The following CCDC144A variants were observed in gnomAD, a reference collection of about 807,000 sequenced individuals.
The protein encoded by CCDC144A is coiled-coil domain-containing protein 144A.
Under a neutral mutation model 143.8 loss-of-function variants are expected in CCDC144A, and 41 were observed. The observed-to-expected ratio is 0.29, with a 90% CI of 0.22 to 0.37. CCDC144A has a LOEUF of 0.37. CCDC144A is among the 10% of genes least tolerant of loss of function. CCDC144A has a pLI of 1.00. For missense variants in CCDC144A, 637 were observed against 1,488.8 expected, an observed-to-expected ratio of 0.43 and a Z score of 9.41; for synonymous variants, 242 against 517.9, an observed-to-expected ratio of 0.47 and a Z score of 7.23.
chr17:16,720,398 T>C, intron 7 of CCDC144A, 119 bp from the exon 8 acceptor site: 1 of 1,039,642 alleles, frequency 9.6e-7, no homozygotes, highest in Non-Finnish European at 1.4e-6. Context: ...ATCTGTTGCT[T>C]TAAGAAGTAC....
At chr17:16,723,537 A>G (rs1913214887) in intron 8 of CCDC144A, among the ~76,000 whole-genome samples, 1 of 152,188 alleles carries the variant, frequency 6.6e-6, no homozygotes, top group South Asian at 2.1e-4. Flanking sequence ...TAGACTGGGT[A>G]GCTTATAAAC....
At chr17:16,702,628 C>A (rs1261708292) in intron 2 of CCDC144A, among the ~76,000 whole-genome samples, 2 of 152,128 alleles carry the variant, frequency 1.3e-5, no homozygotes, top group Non-Finnish European at 2.9e-5. Flanking sequence ...TGTTCCAAGA[C>A]CCCCAGTGAA....
chr17:16,669,523 G>C, the CCDC144A span, among the ~76,000 whole-genome samples: 1 of 152,234 alleles, frequency 6.6e-6, no homozygotes, highest in East Asian at 1.9e-4. Context: ...TAAGTGGATA[G>C]ACAAGCATTC....
rs1264631329 is a variant in CCDC144A, at chr17:16,777,342, T to A, written c.*3709T>A. The A allele has an allele frequency of 6.6e-6, 1 of 152,108 alleles. No homozygotes were observed. The highest frequency in any genetic ancestry group is 1.5e-5 in the Non-Finnish European group (1 of 68,048). The allele number at this position is 152,108 out of a possible 1,614,324, so 9.4% of individuals were successfully genotyped here. A position where few individuals can be genotyped will look rare whatever the true frequency, so the allele number is the denominator to read the frequency against. On this transcript the variant is annotated 3_prime_UTR_variant, in exon 17 of 17. Coordinates refer to ENST00000399273, the MANE Select transcript of CCDC144A (RefSeq NM_001382000.1). ...CAACAAAGAAACAATGGACTTAAAC[T>A]ATACCCTGGAACATATGGACTTAAC...
intron 6 of CCDC144A, among the ~76,000 whole-genome samples, chr17:16,717,075 A>G (rs1912807535): frequency 6.7e-6 from 1 of 148,592 alleles, no homozygotes; most frequent in African/African-American, 2.5e-5. Flanking sequence ...TGCTGGGATT[A>G]CAGGCGTGAG....
chr17:16,764,316 T>C, intron 15 of CCDC144A, 141 bp downstream of exon 15: 1 of 1,470,008 alleles, frequency 6.8e-7, no homozygotes, highest in East Asian at 2.6e-5. Flanking sequence ...GAGACAGAAA[T>C]TTTACCGTTA....
the CCDC144A span, among the ~76,000 whole-genome samples, chr17:16,667,560 G>A: frequency 6.6e-6 from 1 of 152,062 alleles, no homozygotes; most frequent in African/African-American, 2.4e-5. Context: ...CAGAATCCCG[G>A]GGCTGCTTTC....
intron 12 of CCDC144A, among the ~76,000 whole-genome samples, chr17:16,747,755 G>A (rs1230464804): frequency 6.6e-6 from 1 of 152,116 alleles, no homozygotes; most frequent in Admixed American, 6.5e-5. Flanking sequence ...ATGTAGAAAT[G>A]CTATGGATAT....
chr17:16,710,760 A>G (rs1912359017), intron 5 of CCDC144A, among the ~76,000 whole-genome samples: 1 of 152,212 alleles, frequency 6.6e-6, no homozygotes, highest in African/African-American at 2.4e-5. Context: ...CCGCTAAGGC[A>G]TTAAATTATT....
chr17:16,717,651 C>T (rs941554562), intron 6 of CCDC144A, among the ~76,000 whole-genome samples: 8 of 152,096 alleles, frequency 5.3e-5, no homozygotes, highest in Admixed American at 1.3e-4. Context: ...AACTCTTAAA[C>T]TACACATTGT....
At chr17:16,678,074 CTA>C in the CCDC144A span, among the ~76,000 whole-genome samples, 1 of 151,956 alleles carries the variant, frequency 6.6e-6, no homozygotes. Flanking sequence ...ATAATGGCTA[CTA>C]TGCTTTAAAA....
chr17:16,667,110 C>CCAGGAGCCAGTGG, the CCDC144A span: 17,283 of 154,498 alleles, frequency 0.11, 1,128 homozygotes, highest in African/African-American at 0.18. Context: ...CAGCCGGCGG[C>CCAGGAGCCAGTGG]CAGGAGCCAG....
chr17:16,746,251 GT>G (rs1344532662), intron 12 of CCDC144A: 2 of 1,117,892 alleles, frequency 1.8e-6, no homozygotes, highest in Non-Finnish European at 2.5e-6. Context: ...ATTTTCTTCT[GT>G]TTATCTGTCT....
At chr17:16,691,563 C>T (rs1339717073) in intron 1 of CCDC144A, among the ~76,000 whole-genome samples, 1 of 151,786 alleles carries the variant, frequency 6.6e-6, no homozygotes, top group East Asian at 1.9e-4. Context: ...TGATTGAGAG[C>T]ATCCTGGCTA....
Position 16,723,840 on chromosome 17 carries a change from C to T in CCDC144A, c.1891+3182C>T, listed in dbSNP as rs570259464. Among the ~76,000 whole-genome samples the T allele has an allele frequency of 1.2e-4, 18 of 152,292 alleles. No individual in the cohort carries two copies. The South Asian group carries it at 3.5e-3, about 30-fold the overall frequency. On this transcript the variant is annotated intron_variant, in intron 8 of 16. Transcript: ENST00000399273. ...GGAGGATGCAAATGTCAGACAATAC[C>T]AGATGCTTATTGTATCATTTCCTCT...
At chr17:16,702,485 C>T (rs1027775217) in intron 2 of CCDC144A, among the ~76,000 whole-genome samples, 7 of 152,234 alleles carry the variant, frequency 4.6e-5, no homozygotes, top group African/African-American at 1.7e-4. Flanking sequence ...CTCTTCTCCA[C>T]TGGCAGCTGA....
chr17:16,729,357 T>A (rs1913598772), intron 9 of CCDC144A, among the ~76,000 whole-genome samples: 1 of 152,272 alleles, frequency 6.6e-6, no homozygotes, highest in African/African-American at 2.4e-5. Flanking sequence ...TGAGCATTTT[T>A]AAATATGTTT....
chr17:16,720,988 A>G (rs1158501530), intron 8 of CCDC144A, among the ~76,000 whole-genome samples: 3 of 152,166 alleles, frequency 2.0e-5, no homozygotes, highest in Admixed American at 6.5e-5. Context: ...TCCTAAAACC[A>G]TGGTCTAGTC....
chr17:16,708,658 C>A, intron 4 of CCDC144A, 138 bp from the exon 5 acceptor site: 1 of 832,596 alleles, frequency 1.2e-6, no homozygotes, highest in Non-Finnish European at 1.9e-6. Flanking sequence ...GTTAAATTTT[C>A]ATTTTAATTA....
Sources: gnomAD v4.1 joint callset for allele counts (sites outside exome capture counted in the v4.1 genomes callset) on GRCh38, gnomAD v4.1.1 for gene constraint, MANE v1.5 for transcripts, NCBI Gene and HGNC (gene_info 2026-07-23, HGNC 2026-07-21) for gene names.